PREP: variants seen among roughly 807,000 people sequenced by gnomAD.
PREP encodes dJ355L5.1 (prolyl endopeptidase).
A neutral mutation model predicts 87.6 loss-of-function variants in PREP; 29 were observed. That is an observed-to-expected ratio of 0.33 (90% confidence interval 0.25 to 0.45). The LOEUF (loss-of-function observed/expected upper bound fraction) is 0.45. Among genes scored for constraint, PREP ranks in the 20% least tolerant of loss-of-function variants. The pLI is 1.00. For synonymous variants in PREP, 337 were observed against 328.6 expected, an observed-to-expected ratio of 1.03 and a Z score of -0.28; for missense variants, 695 against 886.5, an observed-to-expected ratio of 0.78 and a Z score of 2.74.
chr6:105,331,268 A>G (rs932770775), intron 8 of PREP, among the ~76,000 whole-genome samples: 5 of 152,202 alleles, frequency 3.3e-5, no homozygotes, highest in African/African-American at 9.6e-5. Flanking sequence ...TCCAGTCTGA[A>G]AATCTTATAA....
At chr6:105,349,898 TAAAAAAAAAAA>T (rs1162063177) in intron 7 of PREP, among the ~76,000 whole-genome samples, 2 of 59,456 alleles carry the variant, frequency 3.4e-5, no homozygotes, top group African/African-American at 5.2e-5. Flanking sequence ...GGGAAGCAGG[TAAAAAAAAAAA>T]AAAAAAAAAA....
At chr6:105,315,739 C>T (rs1020047018) in intron 10 of PREP, among the ~76,000 whole-genome samples, 1 of 152,222 alleles carries the variant, frequency 6.6e-6, no homozygotes, top group African/African-American at 2.4e-5. Context: ...TTAGCTAGAT[C>T]TTCAGGATAA....
At chr6:105,317,784 C>A (rs564982545) in intron 10 of PREP, among the ~76,000 whole-genome samples, 1 of 152,146 alleles carries the variant, frequency 6.6e-6, no homozygotes, top group Admixed American at 6.5e-5. Flanking sequence ...GCTTCCTCAC[C>A]GTGCCAGGCA....
intron 7 of PREP, among the ~76,000 whole-genome samples, chr6:105,351,605 T>C (rs1229725175): frequency 1.3e-5 from 2 of 152,196 alleles, no homozygotes; most frequent in African/African-American, 4.8e-5. Context: ...GATATAGCAA[T>C]AGCAGTCTGG....
chr6:105,391,701 G>A (rs1277669043), intron 2 of PREP, among the ~76,000 whole-genome samples: 1 of 152,246 alleles, frequency 6.6e-6, no homozygotes, highest in Non-Finnish European at 1.5e-5. Context: ...GAGAGCCCAT[G>A]ATAAAGTAAG....
intron 8 of PREP, among the ~76,000 whole-genome samples, chr6:105,329,311 C>T (rs1228308976): frequency 1.3e-5 from 2 of 152,094 alleles, no homozygotes; most frequent in Admixed American, 1.3e-4. Context: ...TGCCACCATG[C>T]CTGGCTAATT....
At chr6:105,387,758 C>T (rs748164137) in intron 2 of PREP, among the ~76,000 whole-genome samples, 3 of 152,168 alleles carry the variant, frequency 2.0e-5, no homozygotes, top group East Asian at 1.9e-4. Flanking sequence ...GCCGGTGGGC[C>T]GCAGGCTAGA....
intron 9 of PREP, among the ~76,000 whole-genome samples, 190 bp downstream of exon 9, chr6:105,328,639 C>A (rs77772370): frequency 0.031 from 4,771 of 152,202 alleles, 242 homozygotes; most frequent in African/African-American, 0.099. Flanking sequence ...AATGAGAGTG[C>A]CATTTTAGGC....
intron 8 of PREP, among the ~76,000 whole-genome samples, chr6:105,329,498 T>C (rs565637664): frequency 1.3e-5 from 2 of 152,308 alleles, no homozygotes; most frequent in Admixed American, 6.5e-5. Context: ...ACATATTCCT[T>C]TAATAAATGA....
chr6:105,397,957 A>G, intron 1 of PREP, 30 bp from the exon 2 acceptor site: 2 of 1,477,702 alleles, frequency 1.4e-6, no homozygotes, highest in South Asian at 1.1e-5. Flanking sequence ...GTATTAGATA[A>G]TTACTCTCTA....
chr6:105,394,346 A>T (rs1773235117), intron 2 of PREP, among the ~76,000 whole-genome samples: 1 of 152,210 alleles, frequency 6.6e-6, no homozygotes, highest in Non-Finnish European at 1.5e-5. Context: ...GACCAATTCA[A>T]TAAGACCTGA....
chr6:105,311,067 A>G (rs898729303), intron 10 of PREP, among the ~76,000 whole-genome samples: 10 of 152,120 alleles, frequency 6.6e-5, no homozygotes, highest in African/African-American at 2.4e-4. Context: ...CCTTCTAGGT[A>G]TATTCCAAAC....
At chr6:105,351,470 T>A (rs1267236469) in intron 7 of PREP, among the ~76,000 whole-genome samples, 1 of 152,134 alleles carries the variant, frequency 6.6e-6, no homozygotes, top group Non-Finnish European at 1.5e-5. Context: ...GCTGCAATAA[T>A]AAAATAACTG....
chr6:105,336,689 A>T (rs945396758), intron 7 of PREP, among the ~76,000 whole-genome samples: 7 of 152,198 alleles, frequency 4.6e-5, no homozygotes, highest in African/African-American at 1.7e-4. Flanking sequence ...CTTTCTCATT[A>T]GCTATGTGAT....
At chr6:105,304,288 A>G (rs192268106) in intron 10 of PREP, among the ~76,000 whole-genome samples, 2 of 152,376 alleles carry the variant, frequency 1.3e-5, no homozygotes, top group Admixed American at 6.5e-5. Flanking sequence ...GCCATTTTAT[A>G]TAACAAACTT....
chr6:105,373,289 G>A, intron 5 of PREP, 80 bp downstream of exon 5: 3 of 1,435,694 alleles, frequency 2.1e-6, no homozygotes, highest in Non-Finnish European at 2.0e-6. Context: ...CCTCTATGTA[G>A]GGTTCAGCAT....
At chr6:105,308,285 A>G (rs998714448) in intron 10 of PREP, among the ~76,000 whole-genome samples, 1 of 152,240 alleles carries the variant, frequency 6.6e-6, no homozygotes, top group African/African-American at 2.4e-5. Flanking sequence ...CTAGATTCTC[A>G]TAAAACACAA....
chr6:105,353,450 T>A (rs1254562136), intron 6 of PREP, among the ~76,000 whole-genome samples: 3 of 152,158 alleles, frequency 2.0e-5, no homozygotes, highest in African/African-American at 7.2e-5. Flanking sequence ...GGTTGCATAA[T>A]TTAAAGTTTG....
chr6:105,360,406 G>A (rs1276329680), intron 6 of PREP, among the ~76,000 whole-genome samples: 1 of 152,128 alleles, frequency 6.6e-6, no homozygotes, highest in Admixed American at 6.5e-5. Flanking sequence ...TTAAGTCTTG[G>A]CTTCTACTTT....
Sources: gnomAD v4.1 joint callset for allele counts (sites outside exome capture counted in the v4.1 genomes callset) on GRCh38, gnomAD v4.1.1 for gene constraint, MANE v1.5 for transcripts, NCBI Gene and HGNC (gene_info 2026-07-23, HGNC 2026-07-21) for gene names.